GPC5: variants seen among roughly 807,000 people sequenced by gnomAD.
GPC5 encodes glypican 5, also known as glypican-5.
Under a neutral mutation model 53.9 loss-of-function variants are expected in GPC5, and 47 were observed. The ratio of observed to expected loss-of-function variants is 0.87; its 90% CI spans 0.69 to 1.11. GPC5 has a LOEUF of 1.11. Ranked by LOEUF, GPC5 falls within the 50% of genes most tolerant of loss-of-function variation. GPC5 has a pLI of 0.00. For missense variants in GPC5, 748 were observed against 713.1 expected, an observed-to-expected ratio of 1.05 and a Z score of -0.56; for synonymous variants, 286 against 263.3, an observed-to-expected ratio of 1.09 and a Z score of -0.84.
intron 2 of GPC5, among the ~76,000 whole-genome samples, chr13:91,539,221 C>G (rs1014210613): frequency 1.3e-5 from 2 of 151,986 alleles, no homozygotes; most frequent in African/African-American, 2.4e-5. Context: ...AGCGTTAAAA[C>G]AATTAGTTCT....
rs146210064 is a variant in GPC5, at chr13:92,145,423, G to A, written c.1561+434G>A. ...ATCATAGTCAAATTGCATAGAAATT[G>A]GTATATGGTTATTGATCATGAAAAC... On this transcript the variant is annotated intron_variant, in intron 7 of 7. Transcript: ENST00000377067. Among the ~76,000 whole-genome samples the A allele has an allele frequency of 8.3e-3, 1,263 of 151,852 alleles. 24 individuals carry two copies. The highest frequency in any genetic ancestry group is 0.029 in the African/African-American group (1,202 of 41,422).
chr13:92,273,953 C>T (rs772689967), intron 7 of GPC5, among the ~76,000 whole-genome samples: 1 of 152,118 alleles, frequency 6.6e-6, no homozygotes, highest in South Asian at 2.1e-4. Flanking sequence ...AGAGGGCCCT[C>T]CTGGAATCGC....
chr13:92,584,089 G>A (rs1051951763), intron 7 of GPC5, among the ~76,000 whole-genome samples: 1 of 152,104 alleles, frequency 6.6e-6, no homozygotes, highest in African/African-American at 2.4e-5. Flanking sequence ...GACTAATACA[G>A]TACATTGGTA....
At chr13:92,232,785 C>A (rs1044318975) in intron 7 of GPC5, among the ~76,000 whole-genome samples, 2 of 152,130 alleles carry the variant, frequency 1.3e-5, no homozygotes, top group South Asian at 2.1e-4. Context: ...ATTAAACATA[C>A]CGTAATTTGT....
At chr13:92,362,969 C>A (rs12876767) in intron 7 of GPC5, among the ~76,000 whole-genome samples, 1,529 of 151,776 alleles carry the variant, frequency 0.01, 29 homozygotes, top group Middle Eastern at 0.048. Flanking sequence ...CTCGTCAGAG[C>A]CTGACAGTCT....
chr13:91,772,663 A>T (rs2037645183), intron 5 of GPC5, among the ~76,000 whole-genome samples: 1 of 152,216 alleles, frequency 6.6e-6, no homozygotes, highest in African/African-American at 2.4e-5. Flanking sequence ...ATTAAGGAGA[A>T]ATGCAATGCG....
intron 7 of GPC5, among the ~76,000 whole-genome samples, chr13:92,753,176 G>A (rs1566401962): frequency 6.6e-6 from 1 of 152,148 alleles, no homozygotes; most frequent in Non-Finnish European, 1.5e-5. Flanking sequence ...GTGGGTCCCT[G>A]ACCCCTGACC....
At position 92,519,702 on chromosome 13, in the gene GPC5, CA is replaced by C. The variant is rs1880952203; in HGVS notation, c.1562-346578del. Among the ~76,000 whole-genome samples the C allele has an allele frequency of 2.0e-5, 3 of 152,064 alleles. No homozygotes were observed. In the South Asian group the frequency reaches 6.2e-4, roughly 32 times the overall value. On this transcript the variant is annotated intron_variant, in intron 7 of 7. Transcript: ENST00000377067. ...GAAAGATCTAAAATTGACACCCTAA[CA>C]ACACAATTAAAAGAACTAGAGAAGC... is the stretch of plus-strand genomic sequence containing the variant.
chr13:92,472,498 C>T (rs1878951162), intron 7 of GPC5, among the ~76,000 whole-genome samples: 1 of 152,126 alleles, frequency 6.6e-6, no homozygotes, highest in African/African-American at 2.4e-5. Context: ...TTAGGGCATT[C>T]TATTCAGAAG....
intron 3 of GPC5, among the ~76,000 whole-genome samples, chr13:91,695,022 C>T (rs546924913): frequency 2.6e-5 from 4 of 152,324 alleles, no homozygotes; most frequent in African/African-American, 7.2e-5. Flanking sequence ...CCTTCAGGGA[C>T]TTTCCAGGTC....
At chr13:92,521,475 C>T (rs1003311637) in intron 7 of GPC5, among the ~76,000 whole-genome samples, 5 of 152,222 alleles carry the variant, frequency 3.3e-5, no homozygotes, top group African/African-American at 9.6e-5. Flanking sequence ...TAATACCACA[C>T]ATCTACAACC....
At chr13:92,004,658 A>G (rs961961808) in intron 6 of GPC5, among the ~76,000 whole-genome samples, 3 of 151,592 alleles carry the variant, frequency 2.0e-5, no homozygotes, top group African/African-American at 7.3e-5. Context: ...CCGAGACTGG[A>G]TAATTTATAA....
chr13:91,810,393 G>C (rs1017078796), intron 5 of GPC5, among the ~76,000 whole-genome samples: 16 of 151,960 alleles, frequency 1.1e-4, no homozygotes, highest in Non-Finnish European at 2.1e-4. Context: ...AATACCTTAT[G>C]TTATAGTGCC....
At position 91,426,254 on chromosome 13, in the gene GPC5, C is replaced by A. The variant is rs1463962721; in HGVS notation, c.164-22507C>A. On this transcript the variant is annotated intron_variant, in intron 1 of 7. Transcript: ENST00000377067. ...GCATGTCAGAGACCTTCCCGGTAGC[C>A]CCTCCCGTCACAGGCCTGGAGTCCT... 2.6e-5 allele frequency among the ~76,000 whole-genome samples: 4 copies of A among 151,828 alleles called. No individual in the cohort carries two copies. The East Asian group carries it at 5.9e-4, about 22-fold the overall frequency.
At chr13:92,583,804 C>A (rs375969122) in intron 7 of GPC5, among the ~76,000 whole-genome samples, 13 of 152,222 alleles carry the variant, frequency 8.5e-5, no homozygotes, top group African/African-American at 2.4e-4. Flanking sequence ...GGAGGGACCT[C>A]GTGGCAGGTA....
intron 5 of GPC5, among the ~76,000 whole-genome samples, chr13:91,799,700 T>C (rs1367920653): frequency 6.6e-6 from 1 of 152,184 alleles, no homozygotes; most frequent in Non-Finnish European, 1.5e-5. Context: ...TGTAGTGTTT[T>C]GAACATTATA....
intron 6 of GPC5, among the ~76,000 whole-genome samples, chr13:92,010,262 C>G (rs777692654): frequency 6.6e-5 from 10 of 152,228 alleles, no homozygotes; most frequent in Middle Eastern, 3.4e-3. Flanking sequence ...TTATTTTCTG[C>G]TCTCCCCCAG....
chr13:92,536,789 T>C (rs1031651762), intron 7 of GPC5, among the ~76,000 whole-genome samples: 1 of 152,076 alleles, frequency 6.6e-6, no homozygotes, highest in Non-Finnish European at 1.5e-5. Flanking sequence ...GACCATAAAA[T>C]TGTATATGTA....
rs376813306 is a variant in GPC5 at position 91,530,320 on chromosome 13, G to T, written c.325+81398G>T. Among the ~76,000 whole-genome samples, 6 of 152,266 alleles carry T rather than the reference G, an allele frequency of 3.9e-5. No individual in the cohort carries two copies. The East Asian group carries it at 7.7e-4, about 20-fold the overall frequency. On this transcript the variant is annotated intron_variant, in intron 2 of 7. Transcript: ENST00000377067. ...AGGTCATCAGGAATTTTGTGAGCAG[G>T]TTGATGTCATCTTGGTAGGTTGAAA...
Sources: allele counts gnomAD v4.1 joint callset (sites outside exome capture counted in the v4.1 genomes callset), GRCh38; gene constraint gnomAD v4.1.1; transcripts MANE v1.5; gene names NCBI Gene and HGNC (gene_info 2026-07-23, HGNC 2026-07-21).